Variants in RNF111 observed in about 807,000 individuals in gnomAD.
RNF111 encodes E3 ubiquitin-protein ligase Arkadia.
A neutral mutation model predicts 95.1 loss-of-function variants in RNF111; 17 were observed. The ratio of observed to expected loss-of-function variants is 0.18; its 90% CI spans 0.12 to 0.27. The LOEUF (loss-of-function observed/expected upper bound fraction) is 0.27, where lower values mean the gene tolerates loss of function less well. RNF111 is among the 10% of genes least tolerant of loss of function. The pLI is 1.00. For synonymous variants in RNF111, 440 were observed against 414.8 expected (o/e 1.06, Z -0.74); for missense variants, 1,189 against 1,210.4 (o/e 0.98, Z 0.26).
chr15:59,085,717 C>T lies in RNF111; in HGVS notation c.2482C>T (p.Pro828Ser). ...AATYTPGALH[P>S]HLAHYHAPPR... is the part of the protein sequence containing the mutation. The stretch of plus-strand genomic sequence containing the variant: ...TACTTATACACCTGGTGCATTGCAT[C>T]CTCACTTGGCCCATTATCACGCACC... The change falls in exon 10 of 14, where the codon CCT becomes TCT. Residue 828 changes from proline to serine, a missense_variant. Around this residue, in one of 2 missense-constraint regions of RNF111, gnomAD observed 165 missense variants for 284.6 expected, o/e 0.58. Transcript: ENST00000348370. The T allele has an allele frequency of 1.2e-6, 2 of 1,613,456 alleles. No homozygotes were observed. Among genetic ancestry groups the T allele is most frequent in the Non-Finnish European group, 1.7e-6 (2 of 1,179,634 alleles).
At chr15:59,066,308 G>A (rs1337287362) in intron 5 of RNF111, among the ~76,000 whole-genome samples, 11 of 152,060 alleles carry the variant, frequency 7.2e-5, no homozygotes. Flanking sequence ...TGATGTATAT[G>A]TTAAGAATAT....
chr15:59,051,639 C>T (rs902640788), intron 2 of RNF111, among the ~76,000 whole-genome samples: 4 of 150,604 alleles, frequency 2.7e-5, no homozygotes, highest in African/African-American at 7.4e-5. Flanking sequence ...TGTGGTGGTG[C>T]ATGCCTGTAG....
At chr15:59,045,840 C>T (rs1201479229) in intron 2 of RNF111, among the ~76,000 whole-genome samples, 1 of 152,110 alleles carries the variant, frequency 6.6e-6, no homozygotes, top group East Asian at 1.9e-4. Flanking sequence ...GATTATGAAG[C>T]AAGAGTTGGA....
rs527253609 is a variant in RNF111 at position 59,084,820 on chromosome 15, C to T, written c.2423+566C>T. ...CTGGTAAACAACATGCTACTCTCTC[C>T]TGTGAGTTTAGGTTTTTTAGAGTTC... On this transcript the variant is annotated intron_variant, in intron 9 of 13. Coordinates refer to ENST00000348370, the MANE Select transcript of RNF111 (RefSeq NM_017610.8). Among the ~76,000 whole-genome samples, 31 of 152,216 alleles carry T rather than the reference C, an allele frequency of 2.0e-4. 1 individual carries two copies. The South Asian group carries it at 6.4e-3, about 32-fold the overall frequency.
At chr15:59,023,679 A>T (rs1567219848) in intron 1 of RNF111, among the ~76,000 whole-genome samples, 1 of 152,234 alleles carries the variant, frequency 6.6e-6, no homozygotes, top group Non-Finnish European at 1.5e-5. Flanking sequence ...TCCCTTGTTT[A>T]AATGAGTTTA....
chr15:59,004,516 G>C (rs1431361967), intron 1 of RNF111, among the ~76,000 whole-genome samples: 1 of 152,112 alleles, frequency 6.6e-6, no homozygotes, highest in Non-Finnish European at 1.5e-5. Context: ...ACCATAAAAG[G>C]TTTGTTAAAT....
At chr15:58,989,638 C>A (rs1301614341) in intron 1 of RNF111, among the ~76,000 whole-genome samples, 12 of 152,156 alleles carry the variant, frequency 7.9e-5, no homozygotes, top group Non-Finnish European at 1.5e-5. Flanking sequence ...AAAGTGACTT[C>A]ATTTTGGTGA....
At chr15:59,010,600 C>T (rs1347170039) in intron 1 of RNF111, among the ~76,000 whole-genome samples, 6 of 152,042 alleles carry the variant, frequency 3.9e-5, no homozygotes. Flanking sequence ...CAGGGTTTTA[C>T]CATGTTGACC....
At chr15:59,042,076 T>A (rs2041487313) in intron 2 of RNF111, among the ~76,000 whole-genome samples, 1 of 151,940 alleles carries the variant, frequency 6.6e-6, no homozygotes, top group South Asian at 2.1e-4. Flanking sequence ...ATACACACAT[T>A]TTTCACAAAT....
chr15:59,053,813 A>G (rs17302142), intron 3 of RNF111, among the ~76,000 whole-genome samples: 46,934 of 152,040 alleles, frequency 0.31, 7,368 homozygotes, highest in Middle Eastern at 0.46. Flanking sequence ...TACCTGAGTT[A>G]ATAGGCAGTG....
At chr15:59,068,216 T>C (rs1455541019) in intron 6 of RNF111, among the ~76,000 whole-genome samples, 3 of 149,324 alleles carry the variant, frequency 2.0e-5, no homozygotes, top group Non-Finnish European at 4.5e-5. Context: ...TGAGATGCTG[T>C]CTCAAAAAAC....
At position 59,092,587 on chromosome 15, in the gene RNF111, A is replaced by G. The variant is rs2079083257; in HGVS notation, c.2790A>G (p.Thr930=). ...QDGEEGTEED[T]EEKCTICLSI... ...GGGAAGAAGGGACTGAGGAAGACAC[A>G]GAGGAAAAATGTACTATCTGTTTGT... is the stretch of plus-strand genomic sequence containing the variant. The change falls in exon 13 of 14, where the codon ACA becomes ACG. Residue 930 remains threonine (T), a synonymous_variant. Coordinates refer to ENST00000348370, the MANE Select transcript of RNF111 (RefSeq NM_017610.8). 1 of 1,613,054 alleles carries G rather than the reference A, an allele frequency of 6.2e-7. No individual in the cohort carries two copies. Among genetic ancestry groups the G allele is most frequent in the Non-Finnish European group, 8.5e-7 (1 of 1,179,290 alleles).
chr15:59,001,137 G>A (rs2039306640), intron 1 of RNF111, among the ~76,000 whole-genome samples: 1 of 152,172 alleles, frequency 6.6e-6, no homozygotes. Flanking sequence ...GTTATCTGGG[G>A]GAAGAGCATT....
intron 2 of RNF111, among the ~76,000 whole-genome samples, chr15:59,045,916 G>A (rs189743627): frequency 1.3e-3 from 200 of 152,138 alleles, no homozygotes; most frequent in Non-Finnish European, 1.4e-3. Flanking sequence ...CTGTTTTGTT[G>A]TTTTTCTGCC....
chr15:59,083,079 T>G (rs1236783776), intron 8 of RNF111, among the ~76,000 whole-genome samples: 1 of 151,232 alleles, frequency 6.6e-6, no homozygotes, highest in Non-Finnish European at 1.5e-5. Context: ...AGCCCGGGAG[T>G]TCAGGGTTAC....
intron 2 of RNF111, among the ~76,000 whole-genome samples, chr15:59,038,330 A>G (rs968271444): frequency 5.3e-5 from 8 of 152,098 alleles, no homozygotes; most frequent in African/African-American, 1.9e-4. Context: ...ATATATATAT[A>G]TTTTCCATGT....
At chr15:59,066,162 A>T (rs2042644721) in intron 5 of RNF111, among the ~76,000 whole-genome samples, 1 of 152,204 alleles carries the variant, frequency 6.6e-6, no homozygotes, top group Non-Finnish European at 1.5e-5. Flanking sequence ...ATACAGTTTT[A>T]CTGGTAATAA....
intron 5 of RNF111, among the ~76,000 whole-genome samples, chr15:59,063,341 C>T (rs1034097072): frequency 9.2e-5 from 14 of 152,128 alleles, no homozygotes; most frequent in Admixed American, 2.6e-4. Flanking sequence ...TCTTTTACCA[C>T]GACTTTATTA....
chr15:59,041,747 C>T (rs545918981), intron 2 of RNF111, among the ~76,000 whole-genome samples: 6 of 152,204 alleles, frequency 3.9e-5, no homozygotes, highest in East Asian at 3.9e-4. Context: ...GAATGCTCAC[C>T]GGCAAGGGTG....
Sources: allele counts gnomAD v4.1 joint callset (sites outside exome capture counted in the v4.1 genomes callset), GRCh38; gene constraint gnomAD v4.1.1; regional missense constraint gnomAD v4.1.1; transcripts MANE v1.5; gene names NCBI Gene and HGNC (gene_info 2026-07-23, HGNC 2026-07-21).